FGF14: variants seen among roughly 807,000 people sequenced by gnomAD.
The protein encoded by FGF14 is fibroblast growth factor homologous factor 4.
FGF14 carries 5 observed loss-of-function variants against 25.5 expected under a neutral mutation model. The observed-to-expected ratio is 0.20, with a 90% confidence interval of 0.10 to 0.41. The LOEUF (loss-of-function observed/expected upper bound fraction) is 0.41, where lower values mean the gene tolerates loss of function less well. Ranked by LOEUF, FGF14 falls within the 10% of genes least tolerant of loss-of-function variation. The pLI is 1.00. For missense variants in FGF14, 222 were observed against 320.1 expected (o/e 0.69, Z 2.34); for synonymous variants, 138 against 118.3 (o/e 1.17, Z -1.08).
At chr13:101,980,270 G>T (rs1356912707) in intron 1 of FGF14, among the ~76,000 whole-genome samples, 1 of 151,870 alleles carries the variant, frequency 6.6e-6, no homozygotes, top group Non-Finnish European at 1.5e-5. Context: ...TATAGATAAA[G>T]GCTAGTCTTT....
At position 102,308,782 on chromosome 13, in the gene FGF14, G is replaced by T. The variant is rs148751790; in HGVS notation, c.208+92689C>A. Among the ~76,000 whole-genome samples, 780 of 152,142 alleles carry T rather than the reference G, an allele frequency of 5.1e-3. 7 individuals carry two copies. The highest frequency in any genetic ancestry group is 0.017 in the African/African-American group (724 of 41,504). On this transcript the variant is annotated intron_variant, in intron 1 of 4. Transcript: ENST00000376131. ...CCAATCTGCCCTCACACAAGAGAGT[G>T]GTTACAGTCAGGCAATGTGCTAAAC...
chr13:102,257,804 T>C (rs1193294497), intron 1 of FGF14, among the ~76,000 whole-genome samples: 1 of 152,150 alleles, frequency 6.6e-6, no homozygotes, highest in Non-Finnish European at 1.5e-5. Flanking sequence ...GTCTGCAGTG[T>C]TTCTGGAGGG....
chr13:102,197,943 C>A (rs1323113261), intron 1 of FGF14, among the ~76,000 whole-genome samples: 1 of 152,206 alleles, frequency 6.6e-6, no homozygotes, highest in Non-Finnish European at 1.5e-5. Flanking sequence ...TATTGTGAAA[C>A]ATGCTGTCTG....
intron 1 of FGF14, among the ~76,000 whole-genome samples, chr13:102,156,119 A>G (rs1318894890): frequency 2.6e-5 from 4 of 152,232 alleles, no homozygotes; most frequent in Non-Finnish European, 5.9e-5. Flanking sequence ...AAACTATTCC[A>G]ATCAACAGAA....
intron 3 of FGF14, among the ~76,000 whole-genome samples, chr13:101,777,747 A>G (rs2039217749): frequency 6.6e-6 from 1 of 152,174 alleles, no homozygotes; most frequent in South Asian, 2.1e-4. Context: ...GGATCACCCG[A>G]GGTCAGGAGT....
intron 1 of FGF14, among the ~76,000 whole-genome samples, chr13:101,979,886 G>T (rs2038144711): frequency 6.6e-6 from 1 of 152,128 alleles, no homozygotes; most frequent in South Asian, 2.1e-4. Flanking sequence ...TAAGCAAAGG[G>T]CAAAGTAGAA....
In FGF14 at chr13:102,202,882, G is replaced by A. The variant is rs117016857; in HGVS notation, c.208+198589C>T. On this transcript the variant is annotated intron_variant, in intron 1 of 4. Transcript: ENST00000376131. Reference sequence around the variant, plus strand: ...AGTGCTGCTGTGCTTTTAATGCCCCGTCCAAAACTCTCAAAGAAATGGAGA... The same window carrying A: ...AGTGCTGCTGTGCTTTTAATGCCCCATCCAAAACTCTCAAAGAAATGGAGA... Among the ~76,000 whole-genome samples the A allele has an allele frequency of 1.8e-4, 27 of 152,214 alleles. 1 individual carries two copies. The highest frequency in any genetic ancestry group is 5.9e-4 in the Admixed American group (9 of 15,290).
At chr13:102,376,994 C>T (rs1008568160) in intron 1 of FGF14, among the ~76,000 whole-genome samples, 1 of 152,130 alleles carries the variant, frequency 6.6e-6, no homozygotes, top group Non-Finnish European at 1.5e-5. Flanking sequence ...TTCTCTACCA[C>T]CCAAGACAGG....
intron 1 of FGF14, among the ~76,000 whole-genome samples, chr13:102,161,681 A>AGAAGAAGAAGAAGAAGAAGAAGAG (rs2047759397): frequency 1.9e-5 from 1 of 52,178 alleles, no homozygotes. Context: ...AAGAAGAAGA[A>AGAAGAAGAAGAAGAAGAAGAAGAG]GAAGAAGAAG....
intron 1 of FGF14, among the ~76,000 whole-genome samples, chr13:102,093,268 A>G (rs1030008694): frequency 1.3e-5 from 2 of 152,216 alleles, no homozygotes; most frequent in Admixed American, 1.3e-4. Context: ...ATTTGCTACC[A>G]TAAAATTTAC....
chr13:102,009,591 T>A (rs922414572), intron 1 of FGF14, among the ~76,000 whole-genome samples: 1 of 152,146 alleles, frequency 6.6e-6, no homozygotes, highest in Admixed American at 6.5e-5. Flanking sequence ...CTTCAAAAAG[T>A]CTACACCAAT....
chr13:102,378,130 T>C (rs1169241211), intron 1 of FGF14, among the ~76,000 whole-genome samples: 1 of 152,168 alleles, frequency 6.6e-6, no homozygotes, highest in Middle Eastern at 3.2e-3. Context: ...TAATGGTGAA[T>C]ACATTATATA....
intron 4 of FGF14, among the ~76,000 whole-genome samples, chr13:101,726,200 T>C (rs1183448178): frequency 6.6e-6 from 1 of 152,084 alleles, no homozygotes; most frequent in African/African-American, 2.4e-5. Context: ...AAATGGAAAA[T>C]ACTTTTGATT....
chr13:101,749,118 AG>A (rs2037095475), intron 3 of FGF14, among the ~76,000 whole-genome samples: 1 of 152,150 alleles, frequency 6.6e-6, no homozygotes, highest in Non-Finnish European at 1.5e-5. Flanking sequence ...CTAAATTCAT[AG>A]AAACAAATTA....
intron 1 of FGF14, among the ~76,000 whole-genome samples, chr13:102,344,696 A>G (rs2057051224): frequency 6.6e-6 from 1 of 152,244 alleles, no homozygotes; most frequent in African/African-American, 2.4e-5. Context: ...TTGCCCTCTC[A>G]AGGACAAGGT....
In FGF14 at chr13:102,321,096, T is replaced by A. The variant is rs576236483; in HGVS notation, c.208+80375A>T. On this transcript the variant is annotated intron_variant, in intron 1 of 4. Transcript: ENST00000376131. ...TATTCTGTAGAAGTAAGGGCACCAATTTGCAAGTCAGGAGGCCAGACCACA... is the reference window on the plus strand; with the variant it reads ...TATTCTGTAGAAGTAAGGGCACCAAATTGCAAGTCAGGAGGCCAGACCACA... Among the ~76,000 whole-genome samples, 240 of 152,272 alleles carry A rather than the reference T, an allele frequency of 1.6e-3. 1 individual carries two copies. Among genetic ancestry groups the A allele is most frequent in the Non-Finnish European group, 2.8e-3 (191 of 68,022 alleles).
chr13:101,947,943 A>G (rs914711151), intron 1 of FGF14, among the ~76,000 whole-genome samples: 3 of 152,220 alleles, frequency 2.0e-5, no homozygotes, highest in Admixed American at 1.3e-4. Context: ...AAACAGACCA[A>G]TTCTTTCAGG....
intron 1 of FGF14, among the ~76,000 whole-genome samples, chr13:102,189,568 C>A (rs1226823002): frequency 6.6e-6 from 1 of 152,104 alleles, no homozygotes; most frequent in Non-Finnish European, 1.5e-5. Flanking sequence ...AAATAGGTCT[C>A]ATAGGAAGAG....
chr13:101,878,192 C>A (rs533044535), intron 1 of FGF14, among the ~76,000 whole-genome samples: 1 of 152,214 alleles, frequency 6.6e-6, no homozygotes, highest in Non-Finnish European at 1.5e-5. Flanking sequence ...TAATTTCCCA[C>A]ATCTATCCTG....
Sources: allele counts gnomAD v4.1 joint callset (sites outside exome capture counted in the v4.1 genomes callset), GRCh38; gene constraint gnomAD v4.1.1; transcripts MANE v1.5; gene names NCBI Gene and HGNC (gene_info 2026-07-23, HGNC 2026-07-21).